The following RNF220 variants were observed in gnomAD, a reference collection of about 807,000 sequenced individuals.
RNF220 encodes the protein E3 ubiquitin-protein ligase RNF220.
Under a neutral mutation model 67.1 loss-of-function variants are expected in RNF220, and 7 were observed. The ratio of observed to expected loss-of-function variants is 0.10; its 90% CI spans 0.06 to 0.20. The LOEUF (loss-of-function observed/expected upper bound fraction) is 0.20. RNF220 is among the 10% of genes least tolerant of loss of function. The probability of loss-of-function intolerance (pLI) is 1.00; values close to 1 mark genes in which losing one functional copy is unlikely to be tolerated. For missense variants in RNF220, 565 were observed against 740.3 expected (o/e 0.76, Z 2.75); for synonymous variants, 270 against 283.2 (o/e 0.95, Z 0.47).
rs542724279 is a variant in RNF220 at position 44,595,824 on chromosome 1, C to A, written c.626-18341C>A. 2.0e-5 allele frequency among the ~76,000 whole-genome samples: 3 copies of A among 152,054 alleles called. No individual in the cohort carries two copies. In the East Asian group the frequency reaches 5.8e-4, roughly 29 times the overall value. On this transcript the variant is annotated intron_variant, in intron 2 of 14. Transcript: ENST00000361799. ...TGTCGCCCAGGCTGGAGTGCAGTGG[C>A]GCAATCTCAGCTCACTGCAAGCTCC... is the stretch of plus-strand genomic sequence containing the variant.
intron 2 of RNF220, among the ~76,000 whole-genome samples, chr1:44,574,375 A>G (rs1664659158): frequency 6.6e-6 from 1 of 152,124 alleles, no homozygotes; most frequent in African/African-American, 2.4e-5. Flanking sequence ...TAAATTTCTT[A>G]CCATTGAGAA....
At chr1:44,573,843 G>A (rs1009259312) in intron 2 of RNF220, among the ~76,000 whole-genome samples, 2 of 152,192 alleles carry the variant, frequency 1.3e-5, no homozygotes. Context: ...GCTGGGCGTG[G>A]TGGCTCACCC....
chr1:44,623,413 C>G (rs1643867618), intron 4 of RNF220, among the ~76,000 whole-genome samples: 1 of 152,192 alleles, frequency 6.6e-6, no homozygotes, highest in African/African-American at 2.4e-5. Context: ...GGCCTTAGCA[C>G]AATGACATTT....
chr1:44,504,794 C>T (rs961729225), intron 2 of RNF220, among the ~76,000 whole-genome samples: 1 of 152,156 alleles, frequency 6.6e-6, no homozygotes, highest in Non-Finnish European at 1.5e-5. Context: ...GTGACCATAT[C>T]TGTCTTAAGA....
chr1:44,581,786 C>T (rs1244317646), intron 2 of RNF220, among the ~76,000 whole-genome samples: 1 of 152,150 alleles, frequency 6.6e-6, no homozygotes, highest in Non-Finnish European at 1.5e-5. Context: ...GTTCTCTATT[C>T]ATTCCTCTTT....
At chr1:44,523,935 G>A (rs1660146804) in intron 2 of RNF220, among the ~76,000 whole-genome samples, 1 of 152,208 alleles carries the variant, frequency 6.6e-6, no homozygotes. Context: ...CCTTGCTCAG[G>A]TCCCTGGGGA....
chr1:44,427,784 T>C (rs1649945099), intron 2 of RNF220, among the ~76,000 whole-genome samples: 1 of 152,168 alleles, frequency 6.6e-6, no homozygotes, highest in African/African-American at 2.4e-5. Context: ...AATGAGTTAA[T>C]AGAAAATACA....
intron 3 of RNF220, among the ~76,000 whole-genome samples, chr1:44,617,275 G>T (rs1340718403): frequency 2.0e-5 from 3 of 152,038 alleles, no homozygotes; most frequent in African/African-American, 7.2e-5. Flanking sequence ...CGCCGCGCCC[G>T]GCGCGCTGAC....
chr1:44,412,360 T>TC lies in RNF220; in HGVS notation c.269dup (p.Ser91PhefsTer25). The TC allele has an allele frequency of 6.2e-7, 1 of 1,614,008 alleles. No individual in the cohort carries two copies. On this transcript the variant is annotated frameshift_variant, in exon 2 of 15. Coordinates refer to ENST00000361799, the MANE Select transcript of RNF220 (RefSeq NM_018150.4). LOFTEE classifies it high-confidence loss of function. The surrounding 1 kb of genome is among the most constrained non-coding windows in gnomAD (Gnocchi z 5.3). ...CCAGGCACTTTTGCCAATCGTGATT[T>TC]CCCCCCTTCTCTACTACACCTCCAC... is the stretch of plus-strand genomic sequence containing the variant.
intron 2 of RNF220, among the ~76,000 whole-genome samples, chr1:44,510,073 A>G (rs943864035): frequency 6.6e-6 from 1 of 151,774 alleles, no homozygotes; most frequent in Non-Finnish European, 1.5e-5. Context: ...CTCTGTCTCT[A>G]TTAAAAAATA....
intron 4 of RNF220, among the ~76,000 whole-genome samples, chr1:44,623,552 G>A (rs895402055): frequency 6.6e-5 from 10 of 152,186 alleles, no homozygotes; most frequent in East Asian, 1.9e-4. Context: ...CCCATTCCTC[G>A]GTAGAAGACT....
intron 2 of RNF220, among the ~76,000 whole-genome samples, chr1:44,547,966 A>C (rs1033326424): frequency 2.0e-5 from 3 of 151,998 alleles, no homozygotes; most frequent in Non-Finnish European, 4.4e-5. Context: ...TATTACCCCC[A>C]GCACCCGCAC....
At chr1:44,560,983 C>G (rs1488010130) in intron 2 of RNF220, among the ~76,000 whole-genome samples, 1 of 152,238 alleles carries the variant, frequency 6.6e-6, no homozygotes, top group African/African-American at 2.4e-5. Context: ...AGGTAAATGT[C>G]ATAACAATTC....
intron 2 of RNF220, among the ~76,000 whole-genome samples, chr1:44,598,496 G>T (rs890320810): frequency 2.2e-4 from 33 of 152,288 alleles, no homozygotes; most frequent in African/African-American, 7.7e-4. Flanking sequence ...CCACACGCCG[G>T]TAATTGAAAC....
chr1:44,538,630 T>C lies in RNF220; in HGVS notation c.626-75535T>C, dbSNP rs114266943. Among the ~76,000 whole-genome samples the C allele has an allele frequency of 3.0e-3, 458 of 152,312 alleles. 4 individuals are homozygous for C. The highest frequency in any genetic ancestry group is 0.011 in the African/African-American group (442 of 41,578). ...ATCATTGCCCTCTTAAAAAGCTCTA[T>C]TCTGGCCAAGCGCAGTGGCTCATGC... On this transcript the variant is annotated intron_variant, in intron 2 of 14. Transcript: ENST00000361799.
chr1:44,419,703 G>A (rs931373050), intron 2 of RNF220: 6 of 152,156 alleles, frequency 3.9e-5, no homozygotes, highest in African/African-American at 1.4e-4. Flanking sequence ...TCCCAAAGGC[G>A]TAGAGGTTTG....
At chr1:44,637,368 G>T (rs1644359247) in intron 8 of RNF220, among the ~76,000 whole-genome samples, 1 of 152,240 alleles carries the variant, frequency 6.6e-6, no homozygotes, top group Admixed American at 6.5e-5. Flanking sequence ...GTGTTAGTTT[G>T]CCATTTCACT....
Position 44,606,292 on chromosome 1 carries a change from A to G in RNF220, c.626-7873A>G, listed in dbSNP as rs1457535244. ...ATCATAGTCTTGGGGCCTCGTTCAT[A>G]TTGACTGAAGGTAAAAAATGCCATC... is the stretch of plus-strand genomic sequence containing the variant. On this transcript the variant is annotated intron_variant, in intron 2 of 14. Transcript: ENST00000361799. The surrounding 1 kb of genome is among the most constrained non-coding windows in gnomAD (Gnocchi z 4.2). 6.6e-6 allele frequency among the ~76,000 whole-genome samples: 1 copy of G among 152,236 alleles called. No individual in the cohort carries two copies. The highest frequency in any genetic ancestry group is 1.5e-5 in the Non-Finnish European group (1 of 68,050).
intron 4 of RNF220, among the ~76,000 whole-genome samples, chr1:44,623,521 C>T (rs1197098697): frequency 6.6e-6 from 1 of 152,260 alleles, no homozygotes; most frequent in East Asian, 1.9e-4. Flanking sequence ...ACCAAACCCT[C>T]ACTCACTGAG....
Sources: gnomAD v4.1 joint callset for allele counts (sites outside exome capture counted in the v4.1 genomes callset) on GRCh38, gnomAD v4.1.1 for gene constraint, Gnocchi (gnomAD v3.1) non-coding constraint, MANE v1.5 for transcripts, NCBI Gene and HGNC (gene_info 2026-07-23, HGNC 2026-07-21) for gene names.